Variants in STRAP observed in about 807,000 individuals in gnomAD.
STRAP encodes the protein serine-threonine kinase receptor-associated protein.
Under a neutral mutation model 47.0 loss-of-function variants are expected in STRAP, and 16 were observed. The ratio of observed to expected loss-of-function variants is 0.34; its 90% CI spans 0.23 to 0.52. The LOEUF (loss-of-function observed/expected upper bound fraction) is 0.52, where lower values mean the gene tolerates loss of function less well. Among genes scored for constraint, STRAP ranks in the 20% least tolerant of loss-of-function variants. The probability of loss-of-function intolerance (pLI) is 0.96; values close to 1 mark genes in which losing one functional copy is unlikely to be tolerated. For synonymous variants in STRAP, 130 were observed against 142.7 expected, an observed-to-expected ratio of 0.91 and a Z score of 0.63; for missense variants, 293 against 420.0, an observed-to-expected ratio of 0.70 and a Z score of 2.64.
intron 8 of STRAP, 61 bp downstream of exon 8, chr12:15,900,114 A>T (rs1008835668): frequency 6.7e-7 from 1 of 1,492,732 alleles, no homozygotes; most frequent in Admixed American, 2.1e-5. Context: ...GTCATTTTTA[A>T]TCATTAATTT....
At chr12:15,902,191 C>G (rs1948109543) in intron 9 of STRAP, among the ~76,000 whole-genome samples, 1 of 152,110 alleles carries the variant, frequency 6.6e-6, no homozygotes, top group Non-Finnish European at 1.5e-5. Flanking sequence ...TCAGGCTGGT[C>G]TTGAACTCCT....
At chr12:15,882,841 G>A (rs1475142662) in intron 1 of STRAP, 22 bp downstream of exon 1, 1 of 1,599,802 alleles carries the variant, frequency 6.3e-7, no homozygotes, top group Non-Finnish European at 8.5e-7. Flanking sequence ...CGCAATCCTG[G>A]TCCTCGACGG....
At chr12:15,901,388 G>C (rs998450928) in intron 9 of STRAP, among the ~76,000 whole-genome samples, 1 of 152,178 alleles carries the variant, frequency 6.6e-6, no homozygotes, top group African/African-American at 2.4e-5. Flanking sequence ...GGTCATGAGA[G>C]GGGGTGTTGG....
At position 15,887,436 on chromosome 12, in the gene STRAP, C is replaced by A. The variant is rs1014727253; in HGVS notation, c.249-2492C>A. Among the ~76,000 whole-genome samples the A allele has an allele frequency of 2.0e-5, 3 of 152,108 alleles. No individual in the cohort carries two copies. The highest frequency in any genetic ancestry group is 7.2e-5 in the African/African-American group (3 of 41,420). ...TAGCGCTTTACTGTCTTGATTTGAGCCCTGTGGCCAACTAATATATGTCAA... is the reference window on the plus strand; with the variant it reads ...TAGCGCTTTACTGTCTTGATTTGAGACCTGTGGCCAACTAATATATGTCAA... On this transcript the variant is annotated intron_variant, in intron 2 of 9. Coordinates refer to ENST00000419869, the MANE Select transcript of STRAP (RefSeq NM_007178.4). This position sits in a 1 kb window ranked among gnomAD's most constrained non-coding sequence, Gnocchi z 5.5.
At chr12:15,900,520 C>CAA (rs397823926) in intron 8 of STRAP, among the ~76,000 whole-genome samples, 37 of 102,262 alleles carry the variant, frequency 3.6e-4, no homozygotes, top group African/African-American at 1.0e-3. Context: ...GACTCAGTCT[C>CAA]AAAAAAAAAA....
At chr12:15,885,180 GTT>G (rs749702060) in intron 2 of STRAP, among the ~76,000 whole-genome samples, 22 of 99,564 alleles carry the variant, frequency 2.2e-4, no homozygotes, top group Admixed American at 2.2e-4. Context: ...TACAAGTGGT[GTT>G]TTTTTTTTTT....
chr12:15,883,559 G>A lies in STRAP; in HGVS notation c.131G>A (p.Arg44His), dbSNP rs1947942565. The A allele has an allele frequency of 6.2e-7, 1 of 1,613,492 alleles. No homozygotes were observed. The change falls in exon 2 of 10, where the codon CGC becomes CAC. Residue 44 changes from arginine (R) to histidine (H), a missense_variant. Transcript: ENST00000419869. ...SACKDGKPML[R>H]QGDTGDWIGT... ...TTTCTAGATGGTAAACCTATGCTAC[G>A]CCAGGGAGATACAGGAGACTGGATT...
rs1276824551 is a variant in STRAP at position 15,902,942 on chromosome 12, T to C, written c.1017T>C (p.Asp339=). The C allele has an allele frequency of 1.3e-6, 2 of 1,541,632 alleles. No homozygotes were observed. Among genetic ancestry groups the C allele is most frequent in the African/African-American group, 3.0e-5 (2 of 67,616 alleles). The change falls in exon 10 of 10, where the codon GAT becomes GAC. Residue 339 remains aspartate, a synonymous_variant. Transcript: ENST00000419869. ...AAGAAATTGCTTCAGAGAATTCAGA[T>C]TGCATCTTTCCTTCAGCTCCTGATG... The part of the protein sequence containing the change: ...ELEEIASENS[D]CIFPSAPDVK...
Position 15,894,995 on chromosome 12 carries a change from G to A in STRAP, c.501-364G>A, listed in dbSNP as rs1019550917. Among the ~76,000 whole-genome samples, 4 of 152,156 alleles carry A rather than the reference G, an allele frequency of 2.6e-5. No individual in the cohort carries two copies. Among genetic ancestry groups the A allele is most frequent in the African/African-American group, 9.7e-5 (4 of 41,440 alleles). ...AAAATCTTGTGTGCTGACACCTGAT[G>A]TATATTTCTTTGGAAAGATGTGTAG... On this transcript the variant is annotated intron_variant, in intron 5 of 9. Coordinates refer to ENST00000419869, the MANE Select transcript of STRAP (RefSeq NM_007178.4). This position sits in a 1 kb window ranked among gnomAD's most constrained non-coding sequence, Gnocchi z 4.9.
Position 15,902,510 on chromosome 12 carries a change from T to G in STRAP, c.992-407T>G, listed in dbSNP as rs563012752. Among the ~76,000 whole-genome samples, 6 of 152,364 alleles carry G rather than the reference T, an allele frequency of 3.9e-5. No individual in the cohort carries two copies. In the South Asian group the frequency reaches 1.2e-3, roughly 32 times the overall value. On this transcript the variant is annotated intron_variant, in intron 9 of 9. Transcript: ENST00000419869. ...AATTTTTTATTGTTAAGCACCTTCTTGCTAAAACAATGTTGATGGTTAATG... is the reference window on the plus strand; with the variant it reads ...AATTTTTTATTGTTAAGCACCTTCTGGCTAAAACAATGTTGATGGTTAATG...
chr12:15,895,330 A>T (rs756472960), intron 5 of STRAP, 29 bp from the exon 6 acceptor site: 18 of 1,484,702 alleles, frequency 1.2e-5, no homozygotes, highest in Non-Finnish European at 1.6e-5. Context: ...TACATGAGTA[A>T]ACATCATATT....
At chr12:15,901,974 A>G (rs1211184133) in intron 9 of STRAP, among the ~76,000 whole-genome samples, 1 of 146,892 alleles carries the variant, frequency 6.8e-6, no homozygotes, top group Non-Finnish European at 1.5e-5. Context: ...ATGAGTGATC[A>G]TGTAGGTTTT....
At position 15,894,196 on chromosome 12, in the gene STRAP, A is replaced by G. The variant is rs1948041195; in HGVS notation, c.500+53A>G. 3.4e-6 allele frequency: 5 copies of G among 1,452,424 alleles called. No individual in the cohort carries two copies. The highest frequency in any genetic ancestry group is 1.7e-5 in the Admixed American group (1 of 59,120). 90.0% of individuals were successfully genotyped at this position (1,452,424 alleles called of 1,614,324 possible). ...AATTTAAGGCCGGGCATGGTGGCTC[A>G]CGCCTATAATCTCAGCACTTTGGGA... On this transcript the variant is annotated intron_variant, in intron 5 of 9. Coordinates refer to ENST00000419869, the MANE Select transcript of STRAP (RefSeq NM_007178.4). This position sits in a 1 kb window ranked among gnomAD's most constrained non-coding sequence, Gnocchi z 4.9.
At chr12:15,901,580 T>C (rs1948103801) in intron 9 of STRAP, among the ~76,000 whole-genome samples, 1 of 152,120 alleles carries the variant, frequency 6.6e-6, no homozygotes, top group Admixed American at 6.5e-5. Context: ...GTATTAGGAC[T>C]TGGAGAGTTT....
rs1014366547 is a variant in STRAP, at chr12:15,887,171, G to A, written c.249-2757G>A. ...CTTGGTCAACATGTTAAGGTATTTGGGCAATTTTTTAAAAATCTTAAACTG... is the reference window on the plus strand; with the variant it reads ...CTTGGTCAACATGTTAAGGTATTTGAGCAATTTTTTAAAAATCTTAAACTG... On this transcript the variant is annotated intron_variant, in intron 2 of 9. Transcript: ENST00000419869. The surrounding 1 kb of genome is among the most constrained non-coding windows in gnomAD (Gnocchi z 5.5). Among the ~76,000 whole-genome samples the A allele has an allele frequency of 1.3e-5, 2 of 152,070 alleles. No homozygotes were observed. Among genetic ancestry groups the A allele is most frequent in the African/African-American group, 4.8e-5 (2 of 41,396 alleles).
intron 2 of STRAP, among the ~76,000 whole-genome samples, chr12:15,886,963 C>T (rs954644397): frequency 6.6e-6 from 1 of 152,046 alleles, no homozygotes; most frequent in Non-Finnish European, 1.5e-5. Flanking sequence ...GGAAGAGTGC[C>T]AAAGTAAAGA....
rs559723359 is a variant in STRAP at position 15,882,528 on chromosome 12, G to C, written c.-180G>C. 6.9e-6 allele frequency: 4 copies of C among 579,642 alleles called. No homozygotes were observed. The East Asian group carries it at 8.7e-5, about 13-fold the overall frequency. 35.9% of individuals were successfully genotyped at this position (579,642 alleles called of 1,614,324 possible). On this transcript the variant is annotated 5_prime_UTR_variant, in exon 1 of 10. Transcript: ENST00000419869. ...GTTGCTTGCTGGTCGCAGACTCCCT[G>C]ACCCCTCCCTCACCCCTCCCTAACC... is the stretch of plus-strand genomic sequence containing the variant.
chr12:15,900,235 A>C (rs577369448), intron 8 of STRAP, among the ~76,000 whole-genome samples, 182 bp downstream of exon 8: 1 of 152,114 alleles, frequency 6.6e-6, no homozygotes, highest in Non-Finnish European at 1.5e-5. Flanking sequence ...CCTTTGTTTA[A>C]ATTTTTTTTG....
intron 1 of STRAP, 61 bp downstream of exon 1, chr12:15,882,880 C>G: frequency 2.0e-6 from 3 of 1,525,066 alleles, no homozygotes; most frequent in South Asian, 1.2e-5. Flanking sequence ...GGATCGGGAC[C>G]CGCACGCTCC....
Sources: gnomAD v4.1 joint callset for allele counts (sites outside exome capture counted in the v4.1 genomes callset) on GRCh38, gnomAD v4.1.1 for gene constraint, Gnocchi (gnomAD v3.1) non-coding constraint, MANE v1.5 for transcripts, NCBI Gene and HGNC (gene_info 2026-07-23, HGNC 2026-07-21) for gene names.